The following PCSK5 variants were observed in gnomAD, a reference collection of about 807,000 sequenced individuals.
The protein encoded by PCSK5 is prohormone convertase 5.
PCSK5 carries 129 observed loss-of-function variants against 233.2 expected under a neutral mutation model. That is an observed-to-expected ratio of 0.55 (90% CI 0.48 to 0.64). The LOEUF (loss-of-function observed/expected upper bound fraction) is 0.64. PCSK5 is among the 30% of genes least tolerant of loss of function. PCSK5 has a pLI of 0.00. For synonymous variants in PCSK5, 825 were observed against 879.2 expected, an observed-to-expected ratio of 0.94 and a Z score of 1.09; for missense variants, 2,076 against 2,430.1, an observed-to-expected ratio of 0.85 and a Z score of 3.06.
chr9:75,941,375 G>C (rs937992536), intron 2 of PCSK5, among the ~76,000 whole-genome samples: 1 of 152,068 alleles, frequency 6.6e-6, no homozygotes, highest in Non-Finnish European at 1.5e-5. Context: ...GTACGTACCT[G>C]AGGCTTTGTG....
chr9:76,102,927 A>C (rs1177645908), intron 8 of PCSK5, among the ~76,000 whole-genome samples: 1 of 152,216 alleles, frequency 6.6e-6, no homozygotes, highest in Admixed American at 6.5e-5. Flanking sequence ...AACATTATGG[A>C]GATACAAAAG....
At chr9:75,939,453 T>C (rs1824202663) in intron 2 of PCSK5, among the ~76,000 whole-genome samples, 2 of 152,204 alleles carry the variant, frequency 1.3e-5, no homozygotes, top group East Asian at 1.9e-4. Flanking sequence ...CTTACTAGTC[T>C]GTTTATAAAT....
chr9:76,265,410 G>A (rs1827304539), intron 24 of PCSK5, among the ~76,000 whole-genome samples: 1 of 151,328 alleles, frequency 6.6e-6, no homozygotes, highest in Admixed American at 6.6e-5. Flanking sequence ...GTTGAAAAAA[G>A]GTGAAAAAAA....
intron 36 of PCSK5, among the ~76,000 whole-genome samples, chr9:76,352,650 G>C (rs1337424095): frequency 6.6e-6 from 1 of 152,084 alleles, no homozygotes; most frequent in Non-Finnish European, 1.5e-5. Context: ...TTACAGGTGT[G>C]AGCCACTGCG....
At chr9:76,262,514 C>T (rs1283474279) in intron 24 of PCSK5, among the ~76,000 whole-genome samples, 4 of 147,916 alleles carry the variant, frequency 2.7e-5, no homozygotes, top group African/African-American at 1.0e-4. Flanking sequence ...CTGACAAAAA[C>T]AAACAATGGG....
chr9:76,258,079 A>G (rs2131354930), intron 24 of PCSK5, among the ~76,000 whole-genome samples: 1 of 152,262 alleles, frequency 6.6e-6, no homozygotes, highest in African/African-American at 2.4e-5. Flanking sequence ...CCCTGGGGAC[A>G]CTGGGAGAAC....
intron 5 of PCSK5, among the ~76,000 whole-genome samples, chr9:76,029,933 GAAA>G: frequency 6.6e-6 from 1 of 152,206 alleles, no homozygotes; most frequent in Middle Eastern, 3.4e-3. Flanking sequence ...CTGTTCAAAA[GAAA>G]ACATTCTTAT....
At chr9:75,970,646 G>T (rs1425966514) in intron 2 of PCSK5, among the ~76,000 whole-genome samples, 1 of 151,484 alleles carries the variant, frequency 6.6e-6, no homozygotes, top group African/African-American at 2.4e-5. Context: ...TTTGGAGATG[G>T]AGTCTCACTC....
chr9:76,071,503 G>A (rs2131602697), intron 6 of PCSK5, among the ~76,000 whole-genome samples: 1 of 152,150 alleles, frequency 6.6e-6, no homozygotes, highest in African/African-American at 2.4e-5. Flanking sequence ...AAAAGAAAAT[G>A]GATTAAAAAA....
At chr9:75,993,011 A>C (rs923997768) in intron 3 of PCSK5, among the ~76,000 whole-genome samples, 1 of 152,176 alleles carries the variant, frequency 6.6e-6, no homozygotes, top group African/African-American at 2.4e-5. Flanking sequence ...GATGGTGTTC[A>C]GTACTCCAAG....
chr9:76,207,581 G>T (rs1825170700), intron 20 of PCSK5, among the ~76,000 whole-genome samples: 1 of 152,200 alleles, frequency 6.6e-6, no homozygotes, highest in African/African-American at 2.4e-5. Flanking sequence ...GGATATAATA[G>T]AATACATTTC....
chr9:76,317,079 A>G (rs1476650610), intron 30 of PCSK5, among the ~76,000 whole-genome samples: 1 of 152,120 alleles, frequency 6.6e-6, no homozygotes, highest in Non-Finnish European at 1.5e-5. Flanking sequence ...TATCAGAAAT[A>G]TGACTTTTTG....
chr9:76,181,570 G>C lies in PCSK5; in HGVS notation c.2176G>C (p.Asp726His), dbSNP rs1431263095. 4 of 1,612,920 alleles carry C rather than the reference G, an allele frequency of 2.5e-6. No individual in the cohort carries two copies. The highest frequency in any genetic ancestry group is 2.5e-6 in the Non-Finnish European group (3 of 1,179,272). ...ETNSCVTHCPDGSYQDTKKNL... is the reference protein window; with the variant it reads ...ETNSCVTHCPHGSYQDTKKNL... Reference sequence around the variant, plus strand: ...CAACAGCTGTGTTACTCACTGCCCTGATGGGTCATATCAGGATACCAGTAA... The same window carrying C: ...CAACAGCTGTGTTACTCACTGCCCTCATGGGTCATATCAGGATACCAGTAA... Residue 726 changes from aspartate to histidine, a missense_variant, in exon 16 of 38, where the codon GAT (aspartate) becomes CAT (histidine). Asp to His is a moderately conservative substitution (Grantham distance 81, BLOSUM62 -1). Coordinates refer to ENST00000674117, the MANE Select transcript of PCSK5 (RefSeq NM_001372043.1).
At chr9:76,222,319 T>TA (rs1825753181) in intron 20 of PCSK5, among the ~76,000 whole-genome samples, 1 of 151,984 alleles carries the variant, frequency 6.6e-6, no homozygotes, top group African/African-American at 2.4e-5. Context: ...ACTCTTTGTG[T>TA]AGATATTTTT....
chr9:76,167,422 T>C (rs1220726725), intron 12 of PCSK5, among the ~76,000 whole-genome samples: 2 of 152,230 alleles, frequency 1.3e-5, no homozygotes, highest in African/African-American at 4.8e-5. Flanking sequence ...TTTTTGACCA[T>C]GGGAGACCTG....
chr9:75,901,102 T>A (rs1826011803), intron 1 of PCSK5, among the ~76,000 whole-genome samples: 2 of 152,162 alleles, frequency 1.3e-5, no homozygotes, highest in Admixed American at 1.3e-4. Context: ...GGAAAGGAAG[T>A]ATAGAGTGGC....
At chr9:76,340,653 A>ACAAAC (rs1311632374) in intron 35 of PCSK5, among the ~76,000 whole-genome samples, 1 of 151,290 alleles carries the variant, frequency 6.6e-6, no homozygotes, top group Non-Finnish European at 1.5e-5. Flanking sequence ...AAAAAAAAAA[A>ACAAAC]AAAAAACTTC....
intron 1 of PCSK5, among the ~76,000 whole-genome samples, chr9:75,898,614 G>A (rs777644193): frequency 4.0e-5 from 6 of 151,346 alleles, no homozygotes; most frequent in Non-Finnish European, 7.4e-5. Flanking sequence ...GTTCCCCAAA[G>A]GAAAGTGGGA....
At chr9:76,320,426 C>T (rs1457548169) in intron 30 of PCSK5, among the ~76,000 whole-genome samples, 1 of 104,464 alleles carries the variant, frequency 9.6e-6, no homozygotes, top group African/African-American at 4.0e-5. Context: ...AAGACTCTGT[C>T]TCAAAAAAAA....
Sources: allele counts gnomAD v4.1 joint callset (sites outside exome capture counted in the v4.1 genomes callset), GRCh38; gene constraint gnomAD v4.1.1; transcripts MANE v1.5; gene names NCBI Gene and HGNC (gene_info 2026-07-23, HGNC 2026-07-21).